The following KALRN variants were observed in gnomAD, a reference collection of about 807,000 sequenced individuals.
KALRN encodes the protein kalirin RhoGEF kinase, also known as kalirin.
In KALRN, 70 loss-of-function variants were observed where a neutral mutation model predicts 353.7. The observed-to-expected ratio is 0.20, with a 90% CI of 0.16 to 0.24. KALRN has a LOEUF of 0.24. KALRN is among the 10% of genes least tolerant of loss of function. KALRN has a pLI of 1.00. For synonymous variants in KALRN, 1,391 were observed against 1,434.8 expected, an observed-to-expected ratio of 0.97 and a Z score of 0.69; for missense variants, 2,791 against 3,756.7, an observed-to-expected ratio of 0.74 and a Z score of 6.72.
chr3:124,312,295 G>A (rs1029131208), intron 6 of KALRN, among the ~76,000 whole-genome samples: 3 of 152,084 alleles, frequency 2.0e-5, no homozygotes, highest in South Asian at 2.1e-4. Context: ...TGAGTAGTTG[G>A]GATTACAGGC....
chr3:124,203,763 T>G (rs1213049992), intron 1 of KALRN, among the ~76,000 whole-genome samples: 1 of 152,170 alleles, frequency 6.6e-6, no homozygotes, highest in African/African-American at 2.4e-5. Context: ...TCAGAGACAT[T>G]AAGTAATTGC....
At chr3:124,150,258 A>G (rs1294165751) in intron 1 of KALRN, among the ~76,000 whole-genome samples, 1 of 152,258 alleles carries the variant, frequency 6.6e-6, no homozygotes, top group African/African-American at 2.4e-5. Context: ...ATGAAAACTA[A>G]AAAGCCCCTT....
chr3:124,702,504 T>C (rs1378175259), intron 57 of KALRN, among the ~76,000 whole-genome samples: 1 of 152,208 alleles, frequency 6.6e-6, no homozygotes, highest in African/African-American at 2.4e-5. Flanking sequence ...TATGAGATTT[T>C]TAAAGGTATG....
At chr3:124,642,182 G>A (rs978127614) in intron 37 of KALRN, among the ~76,000 whole-genome samples, 36 of 152,142 alleles carry the variant, frequency 2.4e-4, no homozygotes, top group African/African-American at 8.7e-4. Flanking sequence ...TACTCCGGAG[G>A]CTGAGGCATA....
intron 15 of KALRN, among the ~76,000 whole-genome samples, chr3:124,427,092 C>T (rs1283292645): frequency 1.3e-5 from 2 of 152,126 alleles, no homozygotes; most frequent in Non-Finnish European, 1.5e-5. Context: ...ATTAGCATGT[C>T]CTTATTCTCC....
At chr3:124,062,888 G>T (rs76831239) in intron 1 of KALRN, among the ~76,000 whole-genome samples, 2,823 of 152,272 alleles carry the variant, frequency 0.019, 86 homozygotes, top group African/African-American at 0.063. Context: ...CCTGATGTAG[G>T]ATTGGAAACC....
chr3:124,461,540 G>T (rs1378393054), intron 23 of KALRN, among the ~76,000 whole-genome samples: 1 of 151,906 alleles, frequency 6.6e-6, no homozygotes, highest in East Asian at 1.9e-4. Flanking sequence ...TAGTTTAGTT[G>T]GTGAGACAGA....
chr3:124,501,126 T>G (rs758404383), intron 33 of KALRN, among the ~76,000 whole-genome samples: 4 of 152,198 alleles, frequency 2.6e-5, no homozygotes, highest in African/African-American at 7.2e-5. Flanking sequence ...TGGGATACTC[T>G]CCATCTGAAA....
intron 34 of KALRN, among the ~76,000 whole-genome samples, chr3:124,618,265 A>G (rs11920280): frequency 0.43 from 65,265 of 150,686 alleles, 14,370 homozygotes; most frequent in Middle Eastern, 0.58. Context: ...GCCTGCCACC[A>G]CGCCCAGCTA....
Position 124,724,284 on chromosome 3 carries a change from A to G in KALRN, c.*4814A>G, listed in dbSNP as rs1329536087. Reference sequence around the variant, plus strand: ...ACGTAAGAGGTCTTTGTAGTAGGGCAAAGTTCAAACTCACCATGTCCTTAT... The same window carrying G: ...ACGTAAGAGGTCTTTGTAGTAGGGCGAAGTTCAAACTCACCATGTCCTTAT... On this transcript the variant is annotated 3_prime_UTR_variant, in exon 60 of 60. Transcript: ENST00000682506. 6.6e-6 allele frequency: 1 copy of G among 152,202 alleles called. No individual in the cohort carries two copies. Among genetic ancestry groups the G allele is most frequent in the Non-Finnish European group, 1.5e-5 (1 of 68,028 alleles). 9.4% of individuals were successfully genotyped at this position (152,202 alleles called of 1,614,324 possible). A position where few individuals can be genotyped will look rare whatever the true frequency, so the allele number is the denominator to read the frequency against.
intron 1 of KALRN, among the ~76,000 whole-genome samples, chr3:124,226,308 G>C (rs1346070308): frequency 6.6e-6 from 1 of 152,148 alleles, no homozygotes. Context: ...CTGTGGAAAA[G>C]ATAAAATTAG....
chr3:124,458,528 A>C (rs1279744869), intron 23 of KALRN, among the ~76,000 whole-genome samples: 1 of 152,176 alleles, frequency 6.6e-6, no homozygotes, highest in Non-Finnish European at 1.5e-5. Flanking sequence ...ATTCTTAAGC[A>C]TATGTCCCTA....
intron 5 of KALRN, among the ~76,000 whole-genome samples, chr3:124,269,874 T>A (rs1486882802): frequency 6.6e-6 from 1 of 152,212 alleles, no homozygotes; most frequent in Non-Finnish European, 1.5e-5. Flanking sequence ...GAATCCAGCA[T>A]TTTTCTGTTT....
At chr3:124,286,201 T>G (rs2149092202) in intron 5 of KALRN, among the ~76,000 whole-genome samples, 1 of 148,858 alleles carries the variant, frequency 6.7e-6, no homozygotes, top group South Asian at 2.2e-4. Flanking sequence ...TTCCTTTCTC[T>G]TTTCTCTTTT....
chr3:124,239,615 C>G (rs1321871751), intron 3 of KALRN, among the ~76,000 whole-genome samples: 1 of 152,210 alleles, frequency 6.6e-6, no homozygotes, highest in Non-Finnish European at 1.5e-5. Context: ...AACATTTGCT[C>G]TTGTTCTACG....
intron 3 of KALRN, among the ~76,000 whole-genome samples, chr3:124,260,340 T>C (rs1010431408): frequency 2.4e-4 from 36 of 152,210 alleles, no homozygotes; most frequent in Non-Finnish European, 4.7e-4. Flanking sequence ...GGCAGCACAG[T>C]AGACCAGCCT....
At chr3:124,281,410 G>A (rs192780094) in intron 5 of KALRN, among the ~76,000 whole-genome samples, 3 of 152,274 alleles carry the variant, frequency 2.0e-5, no homozygotes, top group African/African-American at 7.2e-5. Flanking sequence ...GCAAGAGGGG[G>A]TACAAACATG....
At chr3:124,306,127 T>G (rs2077675253) in intron 6 of KALRN, among the ~76,000 whole-genome samples, 1 of 152,094 alleles carries the variant, frequency 6.6e-6, no homozygotes. Context: ...CAGGCTGAAG[T>G]GCAGTGGGAC....
chr3:124,558,736 G>A (rs2071575182), intron 33 of KALRN, among the ~76,000 whole-genome samples: 1 of 152,250 alleles, frequency 6.6e-6, no homozygotes, highest in Non-Finnish European at 1.5e-5. Flanking sequence ...AAGAGGTGAA[G>A]TAACTTGCTC....
Sources: allele counts gnomAD v4.1 joint callset (sites outside exome capture counted in the v4.1 genomes callset), GRCh38; gene constraint gnomAD v4.1.1; transcripts MANE v1.5; gene names NCBI Gene and HGNC (gene_info 2026-07-23, HGNC 2026-07-21).